The following CASQ1 variants were observed in gnomAD, a reference collection of about 807,000 sequenced individuals.
CASQ1 encodes calsequestrin 1, also known as calsequestrin-1.
Under a neutral mutation model 49.5 loss-of-function variants are expected in CASQ1, and 40 were observed. The ratio of observed to expected loss-of-function variants is 0.81; its 90% CI spans 0.63 to 1.05. The LOEUF (loss-of-function observed/expected upper bound fraction) is 1.05. Ranked by LOEUF, CASQ1 falls within the 50% of genes least tolerant of loss-of-function variation. CASQ1 has a pLI of 0.00. For missense variants in CASQ1, 469 were observed against 486.9 expected (o/e 0.96, Z 0.35); for synonymous variants, 174 against 187.2 (o/e 0.93, Z 0.58).
Position 160,201,472 on chromosome 1 carries a change from A to G in CASQ1, c.*96A>G. The G allele has an allele frequency of 7.5e-7, 1 of 1,331,678 alleles. No homozygotes were observed. The highest frequency in any genetic ancestry group is 1.0e-6 in the Non-Finnish European group (1 of 954,180). The allele number at this position is 1,331,678 out of a possible 1,614,324, so 82.5% of individuals were successfully genotyped here. On this transcript the variant is annotated 3_prime_UTR_variant, in exon 11 of 11. Coordinates refer to ENST00000368078, the MANE Select transcript of CASQ1 (RefSeq NM_001231.5). ...TGAGTTCCTCCAGGGAGACTAGGTT[A>G]TTCTCTGCCATAGAGCTAACTGGGG... is the stretch of plus-strand genomic sequence containing the variant.
At chr1:160,191,392 C>T (rs1370122119) in intron 1 of CASQ1, among the ~76,000 whole-genome samples, 3 of 152,146 alleles carry the variant, frequency 2.0e-5, no homozygotes, top group Non-Finnish European at 2.9e-5. Context: ...TTGCACTCCC[C>T]TACCCCACCC....
intron 7 of CASQ1, among the ~76,000 whole-genome samples, chr1:160,198,041 C>G (rs1054189422): frequency 6.6e-6 from 1 of 151,760 alleles, no homozygotes; most frequent in African/African-American, 2.4e-5. Flanking sequence ...AAACAGTGCA[C>G]TAGCAGCAAC....
chr1:160,201,485 G>C lies in CASQ1; in HGVS notation c.*109G>C. ...GGAGACTAGGTTATTCTCTGCCATAGAGCTAACTGGGGTCTATATGCTGGG... is the reference window on the plus strand; with the variant it reads ...GGAGACTAGGTTATTCTCTGCCATACAGCTAACTGGGGTCTATATGCTGGG... On this transcript the variant is annotated 3_prime_UTR_variant, in exon 11 of 11. Transcript: ENST00000368078. 8.3e-7 allele frequency: 1 copy of C among 1,198,078 alleles called. No individual in the cohort carries two copies. Among genetic ancestry groups the C allele is most frequent in the Non-Finnish European group, 1.2e-6 (1 of 840,522 alleles). 74.2% of individuals were successfully genotyped at this position (1,198,078 alleles called of 1,614,324 possible). A position where few individuals can be genotyped will look rare whatever the true frequency, so the allele number is the denominator to read the frequency against.
intron 1 of CASQ1, among the ~76,000 whole-genome samples, 178 bp downstream of exon 1, chr1:160,191,208 A>G (rs1654068695): frequency 6.6e-6 from 1 of 152,148 alleles, no homozygotes; most frequent in Non-Finnish European, 1.5e-5. Flanking sequence ...TGAGAAACAG[A>G]GTCTCAGGAA....
At chr1:160,200,038 G>A (rs1328785744) in intron 10 of CASQ1, 113 bp downstream of exon 10, 7 of 742,044 alleles carry the variant, frequency 9.4e-6, no homozygotes, top group African/African-American at 1.7e-5. Flanking sequence ...ACGCAGACAT[G>A]CCCAGTCTAG....
intron 6 of CASQ1, among the ~76,000 whole-genome samples, chr1:160,196,557 A>G (rs1360968642): frequency 2.7e-5 from 4 of 149,818 alleles, no homozygotes; most frequent in Non-Finnish European, 5.9e-5. Flanking sequence ...GGCTCACTGC[A>G]GCCTCCGCCT....
rs375950053 is a variant in CASQ1 at position 160,196,067 on chromosome 1, T to G, written c.782+40T>G. ...CAACCCTCTCAGCGGGGTCGGCTCC[T>G]CCTTGGGCTAGAACACACTGTGTGA... is the stretch of plus-strand genomic sequence containing the variant. On this transcript the variant is annotated intron_variant, in intron 6 of 10. Transcript: ENST00000368078. The G allele has an allele frequency of 1.6e-5, 25 of 1,606,138 alleles. No homozygotes were observed. The African/African-American group carries it at 3.3e-4, about 21-fold the overall frequency.
At chr1:160,200,467 G>A (rs1216932294) in intron 10 of CASQ1, among the ~76,000 whole-genome samples, 5 of 152,116 alleles carry the variant, frequency 3.3e-5, no homozygotes, top group Non-Finnish European at 5.9e-5. Flanking sequence ...TAAGACACAG[G>A]ATCACATTGA....
chr1:160,193,184 C>T (rs1177363923), intron 2 of CASQ1, among the ~76,000 whole-genome samples: 2 of 152,110 alleles, frequency 1.3e-5, no homozygotes, highest in Non-Finnish European at 2.9e-5. Context: ...TCGGGGAATA[C>T]AGGCGGGGCT....
chr1:160,195,585 C>A, intron 5 of CASQ1, 51 bp downstream of exon 5: 1 of 1,531,594 alleles, frequency 6.5e-7, no homozygotes, highest in Non-Finnish European at 9.0e-7. Context: ...TGAAGCTGTC[C>A]TCCAGTTTCC....
intron 6 of CASQ1, among the ~76,000 whole-genome samples, chr1:160,196,804 A>G (rs780921396): frequency 1.3e-5 from 2 of 151,928 alleles, no homozygotes; most frequent in Non-Finnish European, 2.9e-5. Context: ...AATATCGTAC[A>G]CCAATGGTTC....
Position 160,193,808 on chromosome 1 carries a change from C to A in CASQ1, c.426C>A (p.Gly142=). 6.2e-7 allele frequency: 1 copy of A among 1,612,750 alleles called. No individual in the cohort carries two copies. Among genetic ancestry groups the A allele is most frequent in the South Asian group, 1.1e-5 (1 of 91,042 alleles). The change falls in exon 3 of 11, where the codon GGC becomes GGA. Residue 142 remains glycine, a synonymous_variant. Transcript: ENST00000368078. ...GAGATGAAGTCATTGAGTACGATGG[C>A]GAGTTTTCTGCTGACACCATCGTGG... is the stretch of plus-strand genomic sequence containing the variant. The part of the protein sequence containing the change: ...FKGDEVIEYD[G]EFSADTIVEF...
intron 3 of CASQ1, 68 bp from the exon 4 acceptor site, chr1:160,194,944 T>A (rs779039797): frequency 2.1e-6 from 2 of 966,370 alleles, no homozygotes; most frequent in Non-Finnish European, 3.2e-6. Flanking sequence ...AGCCTTCTTT[T>A]CCCTAGGTCC....
chr1:160,191,045 C>T lies in CASQ1; in HGVS notation c.279+15C>T. On this transcript the variant is annotated intron_variant, in intron 1 of 10. Transcript: ENST00000368078. ...TGATCCTGGAGGTGAGTTGGGGGCA[C>T]TGCAGGCCTGCAGAGCATGTCTAGC... The T allele has an allele frequency of 6.2e-7, 1 of 1,612,058 alleles. No individual in the cohort carries two copies. The highest frequency in any genetic ancestry group is 8.5e-7 in the Non-Finnish European group (1 of 1,178,868).
rs1654061362 is a variant in CASQ1 at position 160,190,978 on chromosome 1, A to G, written c.227A>G (p.Glu76Gly). ...VLALLYHEPP[E>G]DDKASQRQFE... ...GCACTCCTCTACCATGAACCCCCCGAGGATGACAAGGCCTCACAAAGACAA... is the reference window on the plus strand; with the variant it reads ...GCACTCCTCTACCATGAACCCCCCGGGGATGACAAGGCCTCACAAAGACAA... The change falls in exon 1 of 11, where the codon GAG becomes GGG. Residue 76 changes from glutamate to glycine, a missense_variant. Physicochemically the swap from Glu to Gly is moderately conservative, Grantham distance 98. Transcript: ENST00000368078. 6.2e-7 allele frequency: 1 copy of G among 1,614,040 alleles called. No individual in the cohort carries two copies. Among genetic ancestry groups the G allele is most frequent in the Non-Finnish European group, 8.5e-7 (1 of 1,180,020 alleles).
chr1:160,192,657 G>A (rs1654103518), intron 1 of CASQ1, 145 bp from the exon 2 acceptor site: 1 of 690,604 alleles, frequency 1.4e-6, no homozygotes, highest in South Asian at 1.7e-5. Flanking sequence ...AGGGAATTTG[G>A]GGGATATTCT....
chr1:160,196,112 A>G, intron 6 of CASQ1, 85 bp downstream of exon 6: 1 of 1,400,908 alleles, frequency 7.1e-7, no homozygotes, highest in Non-Finnish European at 9.8e-7. Flanking sequence ...GGGAAAGCTT[A>G]GCCAACCGGG....
At chr1:160,195,668 C>T (rs1429629008) in intron 5 of CASQ1, 134 bp downstream of exon 5, 1 of 786,466 alleles carries the variant, frequency 1.3e-6, no homozygotes, top group Non-Finnish European at 2.1e-6. Context: ...CCCCCCGGCT[C>T]CTCCCACTCC....
At chr1:160,199,826 T>A in intron 9 of CASQ1, 25 bp from the exon 10 acceptor site, 1 of 1,484,008 alleles carries the variant, frequency 6.7e-7, no homozygotes, top group Non-Finnish European at 9.4e-7. Context: ...ATCTATTAAG[T>A]TGCTGTATTT....
Sources: allele counts gnomAD v4.1 joint callset (sites outside exome capture counted in the v4.1 genomes callset), GRCh38; gene constraint gnomAD v4.1.1; transcripts MANE v1.5; gene names NCBI Gene and HGNC (gene_info 2026-07-23, HGNC 2026-07-21).